The following THSD4 variants were observed in gnomAD, a reference collection of about 807,000 sequenced individuals.
THSD4 encodes the protein thrombospondin type-1 domain-containing protein 4.
In THSD4, 69 loss-of-function variants were observed where a neutral mutation model predicts 119.0. The observed-to-expected ratio is 0.58, with a 90% CI of 0.48 to 0.71. THSD4 has a LOEUF of 0.71. THSD4 is among the 30% of genes least tolerant of loss of function. The pLI is 0.00. For missense variants in THSD4, 1,393 were observed against 1,391.1 expected (o/e 1.00, Z -0.02); for synonymous variants, 524 against 540.4 (o/e 0.97, Z 0.42).
intron 3 of THSD4, among the ~76,000 whole-genome samples, chr15:71,212,944 AGAG>A (rs1445435704): frequency 1.3e-5 from 2 of 152,234 alleles, no homozygotes; most frequent in African/African-American, 4.8e-5. Context: ...CATGGGACAC[AGAG>A]GAGGAGTGTG....
At chr15:71,513,710 G>A (rs2048314934) in intron 7 of THSD4, among the ~76,000 whole-genome samples, 3 of 152,160 alleles carry the variant, frequency 2.0e-5, no homozygotes, top group Admixed American at 1.3e-4. Flanking sequence ...TCAAAATACA[G>A]ACACAGAGGA....
intron 7 of THSD4, among the ~76,000 whole-genome samples, chr15:71,631,829 G>A (rs1042542575): frequency 6.6e-6 from 1 of 152,190 alleles, no homozygotes; most frequent in Non-Finnish European, 1.5e-5. Flanking sequence ...AATGGGTGCT[G>A]TAGTGTCAGG....
intron 3 of THSD4, among the ~76,000 whole-genome samples, chr15:71,197,091 A>C (rs2043726190): frequency 6.6e-6 from 1 of 152,200 alleles, no homozygotes; most frequent in East Asian, 1.9e-4. Flanking sequence ...TTCTTAAAAC[A>C]GACCTGGGTC....
chr15:71,669,484 A>G (rs1469476569), intron 8 of THSD4, among the ~76,000 whole-genome samples: 2 of 152,174 alleles, frequency 1.3e-5, no homozygotes, highest in Non-Finnish European at 2.9e-5. Flanking sequence ...TTACACAGGT[A>G]TACACAATTC....
chr15:71,500,426 T>G lies in THSD4; in HGVS notation c.1152+88603T>G, dbSNP rs138699019. On this transcript the variant is annotated intron_variant, in intron 7 of 17. Coordinates refer to ENST00000261862, the MANE Select transcript of THSD4 (RefSeq NM_024817.3). ...AAATATTTTCCCCCATTCCATAGGTTGTCTTTTTCCTTTGTTGATTGTTGC... is the reference window on the plus strand; with the variant it reads ...AAATATTTTCCCCCATTCCATAGGTGGTCTTTTTCCTTTGTTGATTGTTGC... 3.3e-5 allele frequency among the ~76,000 whole-genome samples: 5 copies of G among 152,320 alleles called. No homozygotes were observed. The East Asian group carries it at 9.6e-4, about 29-fold the overall frequency.
intron 6 of THSD4, among the ~76,000 whole-genome samples, chr15:71,345,907 A>G (rs1342435590): frequency 7.9e-5 from 12 of 152,024 alleles, no homozygotes; most frequent in Admixed American, 5.9e-4. Flanking sequence ...TAAGTTGCCA[A>G]TGTGATACAT....
At chr15:71,379,710 G>A (rs1029307874) in intron 6 of THSD4, among the ~76,000 whole-genome samples, 4 of 151,610 alleles carry the variant, frequency 2.6e-5, no homozygotes, top group African/African-American at 9.7e-5. Flanking sequence ...CACCCGCCTC[G>A]GCCTCCCAAA....
intron 2 of THSD4, among the ~76,000 whole-genome samples, chr15:71,151,988 A>G (rs1439703175): frequency 6.6e-6 from 1 of 152,212 alleles, no homozygotes; most frequent in African/African-American, 2.4e-5. Flanking sequence ...GTCATCATAG[A>G]AAACTCTATT....
Position 71,215,292 on chromosome 15 carries a change from C to T in THSD4, c.357C>T (p.Asp119=). ...CGGTGCCACTGCACCGGAGCCGCGA[C>T]GAGACGCCAGCGCTGGCCGGTACGG... ...RTSVPLHRSR[D]ETPALAGTDA... The change falls in exon 4 of 18, where the codon GAC becomes GAT. Residue 119 remains aspartate (D), a synonymous_variant. Coordinates refer to ENST00000261862, the MANE Select transcript of THSD4 (RefSeq NM_024817.3). 6.6e-7 allele frequency: 1 copy of T among 1,522,558 alleles called. No individual in the cohort carries two copies. 94.3% of individuals were successfully genotyped at this position (1,522,558 alleles called of 1,614,324 possible).
chr15:71,378,361 G>A (rs969472200), intron 6 of THSD4, among the ~76,000 whole-genome samples: 3 of 152,184 alleles, frequency 2.0e-5, no homozygotes, highest in African/African-American at 7.2e-5. Flanking sequence ...ATGAGGGGTG[G>A]AGGCTTTTGT....
At chr15:71,253,141 T>A (rs1037519913) in intron 5 of THSD4, among the ~76,000 whole-genome samples, 2 of 152,322 alleles carry the variant, frequency 1.3e-5, no homozygotes, top group African/African-American at 4.8e-5. Context: ...TGCAGGTGGA[T>A]CTGCTGATCA....
intron 6 of THSD4, among the ~76,000 whole-genome samples, chr15:71,300,822 C>G (rs534435377): frequency 6.6e-6 from 1 of 152,250 alleles, no homozygotes; most frequent in African/African-American, 2.4e-5. Flanking sequence ...CTGGCAAGTT[C>G]TAATAGAGCA....
upstream of THSD4, among the ~76,000 whole-genome samples, chr15:71,113,102 T>G (rs1037509406): frequency 6.6e-6 from 1 of 152,166 alleles, no homozygotes; most frequent in African/African-American, 2.4e-5. Context: ...AGTGAGAGGA[T>G]TGCTTGAGCC....
chr15:71,263,279 C>A (rs1175087210), intron 6 of THSD4, among the ~76,000 whole-genome samples: 1 of 148,868 alleles, frequency 6.7e-6, no homozygotes, highest in African/African-American at 2.5e-5. Flanking sequence ...CCATCCGTGT[C>A]CCTGCAAAGG....
chr15:71,135,991 G>GT (rs10540241), intron 1 of THSD4, among the ~76,000 whole-genome samples: 11,481 of 69,102 alleles, frequency 0.17, 1,592 homozygotes, highest in Non-Finnish European at 0.23. Context: ...GTTTAGTTTA[G>GT]TTTTTTTTTT....
intron 4 of THSD4, among the ~76,000 whole-genome samples, chr15:71,240,242 A>G (rs547612882): frequency 1.3e-5 from 2 of 152,318 alleles, no homozygotes; most frequent in Admixed American, 6.5e-5. Context: ...GTTTTGGTTC[A>G]TCAGTGCTGA....
At chr15:71,111,310 C>G (rs773812981), upstream of THSD4, 1 of 1,613,956 alleles carries the variant, frequency 6.2e-7, no homozygotes, top group South Asian at 1.1e-5. Flanking sequence ...TGCTCATGTC[C>G]TCAGAGCTGT....
chr15:71,234,616 C>T (rs1239419301), intron 4 of THSD4, among the ~76,000 whole-genome samples: 2 of 152,218 alleles, frequency 1.3e-5, no homozygotes, highest in African/African-American at 2.4e-5. Context: ...CTCTTAATTT[C>T]CTTGGGTTCA....
At chr15:71,639,447 C>G (rs1054016467) in intron 7 of THSD4, among the ~76,000 whole-genome samples, 5 of 152,116 alleles carry the variant, frequency 3.3e-5, no homozygotes, top group Non-Finnish European at 7.4e-5. Context: ...CCACAAGGGT[C>G]TGGGTTCTAA....
Sources: gnomAD v4.1 joint callset for allele counts (sites outside exome capture counted in the v4.1 genomes callset) on GRCh38, gnomAD v4.1.1 for gene constraint, MANE v1.5 for transcripts, NCBI Gene and HGNC (gene_info 2026-07-23, HGNC 2026-07-21) for gene names.